Variants in DPP10 observed in about 807,000 individuals in gnomAD.
DPP10 encodes the protein dipeptidyl peptidase like 10, also known as inactive dipeptidyl peptidase 10.
A neutral mutation model predicts 120.9 loss-of-function variants in DPP10; 33 were observed. The ratio of observed to expected loss-of-function variants is 0.27; its 90% CI spans 0.21 to 0.37. DPP10 has a LOEUF of 0.37. Ranked by LOEUF, DPP10 falls within the 10% of genes least tolerant of loss-of-function variation. DPP10 has a pLI of 1.00. For synonymous variants in DPP10, 337 were observed against 326.1 expected (o/e 1.03, Z -0.36); for missense variants, 816 against 942.8 (o/e 0.87, Z 1.76).
chr2:115,734,856 A>G (rs1008416638), intron 8 of DPP10, among the ~76,000 whole-genome samples: 1 of 152,142 alleles, frequency 6.6e-6, no homozygotes, highest in African/African-American at 2.4e-5. Context: ...TGGCACGTTC[A>G]AAAGGGAGTA....
At chr2:114,869,968 C>T (rs1690556794) in intron 1 of DPP10, among the ~76,000 whole-genome samples, 1 of 152,096 alleles carries the variant, frequency 6.6e-6, no homozygotes, top group African/African-American at 2.4e-5. Context: ...TAGATTTGAA[C>T]CCTGTAAAAT....
At chr2:115,384,616 GGAA>G (rs1441302262) in intron 3 of DPP10, among the ~76,000 whole-genome samples, 9 of 139,776 alleles carry the variant, frequency 6.4e-5, no homozygotes, top group South Asian at 2.2e-4. Context: ...AAGAAGTGAA[GGAA>G]GAAGAAGAGG....
chr2:115,775,199 A>T (rs1290897138), intron 13 of DPP10, among the ~76,000 whole-genome samples: 1 of 152,056 alleles, frequency 6.6e-6, no homozygotes, highest in African/African-American at 2.4e-5. Flanking sequence ...AAGGAAGAGA[A>T]TAAATTCAAA....
chr2:115,141,884 G>A (rs904298286), intron 1 of DPP10, among the ~76,000 whole-genome samples: 1 of 152,042 alleles, frequency 6.6e-6, no homozygotes, highest in Non-Finnish European at 1.5e-5. Flanking sequence ...AGCAATTCTT[G>A]TGCCTCAGCC....
chr2:115,162,370 T>C, intron 1 of DPP10: 1 of 1,361,884 alleles, frequency 7.3e-7, no homozygotes, highest in Non-Finnish European at 9.6e-7. Flanking sequence ...GGTTCCCCAT[T>C]AACGCACGCT....
At chr2:115,668,360 T>C (rs1378915604) in intron 5 of DPP10, among the ~76,000 whole-genome samples, 2 of 152,106 alleles carry the variant, frequency 1.3e-5, no homozygotes, top group Non-Finnish European at 2.9e-5. Context: ...GTGCTCTTGA[T>C]AAAAGCATGA....
At chr2:115,248,665 A>G (rs1403638178) in intron 1 of DPP10, among the ~76,000 whole-genome samples, 1 of 152,162 alleles carries the variant, frequency 6.6e-6, no homozygotes, top group Non-Finnish European at 1.5e-5. Flanking sequence ...AAAGGGTAGC[A>G]AACTGATAAT....
intron 3 of DPP10, among the ~76,000 whole-genome samples, chr2:115,359,138 G>A (rs554386408): frequency 2.0e-5 from 3 of 152,262 alleles, no homozygotes; most frequent in East Asian, 1.9e-4. Context: ...TGCATTCATC[G>A]TTAATAGTGA....
chr2:115,738,584 T>C (rs1048606166), intron 8 of DPP10, among the ~76,000 whole-genome samples: 1 of 152,182 alleles, frequency 6.6e-6, no homozygotes, highest in African/African-American at 2.4e-5. Context: ...AAGCATTTGT[T>C]CTCCCAATGC....
intron 1 of DPP10, among the ~76,000 whole-genome samples, chr2:114,591,206 C>T (rs1283141353): frequency 5.9e-5 from 9 of 152,176 alleles, no homozygotes; most frequent in Admixed American, 5.9e-4. Flanking sequence ...TGACAATGAA[C>T]CTTCTAGGTC....
At chr2:115,532,333 T>G (rs1227737756) in intron 5 of DPP10, among the ~76,000 whole-genome samples, 1 of 152,058 alleles carries the variant, frequency 6.6e-6, no homozygotes, top group Non-Finnish European at 1.5e-5. Context: ...GTTGCAGAGC[T>G]GGGAGTGAAT....
chr2:115,241,227 C>G (rs2058262754), intron 1 of DPP10, among the ~76,000 whole-genome samples: 1 of 152,156 alleles, frequency 6.6e-6, no homozygotes, highest in African/African-American at 2.4e-5. Context: ...TGAGATCGTG[C>G]TACTGCATTC....
intron 4 of DPP10, among the ~76,000 whole-genome samples, chr2:115,523,915 A>T (rs763247649): frequency 6.6e-6 from 1 of 152,190 alleles, no homozygotes; most frequent in African/African-American, 2.4e-5. Context: ...ACTAAAAAAC[A>T]AAATTCTTGA....
At chr2:115,386,587 G>A (rs2066952034) in intron 3 of DPP10, among the ~76,000 whole-genome samples, 1 of 152,144 alleles carries the variant, frequency 6.6e-6, no homozygotes, top group Admixed American at 6.5e-5. Context: ...AGTTAATAAA[G>A]TTTCTTTTGT....
intron 21 of DPP10, among the ~76,000 whole-genome samples, chr2:115,828,833 A>G (rs1223161525): frequency 6.6e-6 from 1 of 152,168 alleles, no homozygotes; most frequent in African/African-American, 2.4e-5. Flanking sequence ...TTGTATATTT[A>G]TTAACCATTT....
intron 1 of DPP10, among the ~76,000 whole-genome samples, chr2:114,651,023 T>C (rs960453856): frequency 1.3e-5 from 2 of 152,194 alleles, no homozygotes; most frequent in Non-Finnish European, 2.9e-5. Context: ...AGCTCCTTCA[T>C]AGTTTGACTA....
At chr2:114,596,467 G>T (rs1691915730) in intron 1 of DPP10, among the ~76,000 whole-genome samples, 2 of 152,050 alleles carry the variant, frequency 1.3e-5, no homozygotes, top group Non-Finnish European at 2.9e-5. Context: ...GTAATAACCA[G>T]AAGTAACATA....
intron 1 of DPP10, among the ~76,000 whole-genome samples, chr2:115,092,814 GTAT>G (rs766004765): frequency 4.5e-4 from 68 of 152,196 alleles, no homozygotes; most frequent in Non-Finnish European, 8.5e-4. Flanking sequence ...AAGTGATGAA[GTAT>G]TATAACTCAT....
chr2:114,914,126 GC>G (rs1694594331), intron 1 of DPP10, among the ~76,000 whole-genome samples: 1 of 152,112 alleles, frequency 6.6e-6, no homozygotes, highest in South Asian at 2.1e-4. Flanking sequence ...AGAAGGAGAG[GC>G]AAGCAACTTG....
Sources: allele counts gnomAD v4.1 joint callset (sites outside exome capture counted in the v4.1 genomes callset), GRCh38; gene constraint gnomAD v4.1.1; transcripts MANE v1.5; gene names NCBI Gene and HGNC (gene_info 2026-07-23, HGNC 2026-07-21).